DNMBP: variants seen among roughly 807,000 people sequenced by gnomAD.
DNMBP encodes dynamin binding protein.
DNMBP carries 87 observed loss-of-function variants against 150.0 expected under a neutral mutation model. The observed-to-expected ratio is 0.58, with a 90% CI of 0.49 to 0.69. DNMBP has a LOEUF of 0.69. DNMBP is among the 30% of genes least tolerant of loss of function. DNMBP has a pLI of 0.00. For synonymous variants in DNMBP, 711 were observed against 750.4 expected (o/e 0.95, Z 0.86); for missense variants, 1,774 against 1,949.0 (o/e 0.91, Z 1.69).
rs1047680051 is a variant in DNMBP at position 99,876,106 on chromosome 10, A to C, written c.*1045T>G. The C allele has an allele frequency of 3.3e-5, 5 of 152,084 alleles. No individual in the cohort carries two copies. The highest frequency in any genetic ancestry group is 2.6e-4 in the Admixed American group (4 of 15,284). 9.4% of individuals were successfully genotyped at this position (152,084 alleles called of 1,614,324 possible). On this transcript the variant is annotated 3_prime_UTR_variant, in exon 17 of 17. Coordinates refer to ENST00000324109, the MANE Select transcript of DNMBP (RefSeq NM_015221.4). Reference sequence around the variant, plus strand: ...CATTAGGGTGCTTGGATGAAGAAGAAAGACATCCAGTCTTCCATTAGGCTC... The same window carrying C: ...CATTAGGGTGCTTGGATGAAGAAGACAGACATCCAGTCTTCCATTAGGCTC...
intron 1 of DNMBP, among the ~76,000 whole-genome samples, chr10:99,993,354 A>G (rs2133379876): frequency 6.6e-6 from 1 of 152,308 alleles, no homozygotes; most frequent in Non-Finnish European, 1.5e-5. Context: ...AATGCTCTGG[A>G]ATTAGTGGTG....
chr10:99,922,506 T>C (rs905950688), intron 4 of DNMBP, among the ~76,000 whole-genome samples: 1 of 97,820 alleles, frequency 1.0e-5, no homozygotes, highest in African/African-American at 4.2e-5. Context: ...GCTGCTGTTT[T>C]TTTTTTTTTT....
chr10:99,914,021 C>T (rs1451685796), intron 4 of DNMBP: 3 of 1,508,928 alleles, frequency 2.0e-6, no homozygotes, highest in East Asian at 2.6e-5. Context: ...ACAGAATCTT[C>T]CCAGAGCTCT....
chr10:99,906,163 G>A (rs928631925), intron 6 of DNMBP, among the ~76,000 whole-genome samples: 5 of 152,036 alleles, frequency 3.3e-5, no homozygotes, highest in African/African-American at 9.7e-5. Context: ...TCCTGTGTCC[G>A]TTTTTCTCCC....
At chr10:99,898,028 G>T in intron 9 of DNMBP, 58 bp downstream of exon 9, 2 of 1,479,938 alleles carry the variant, frequency 1.4e-6, no homozygotes, top group South Asian at 1.1e-5. Flanking sequence ...GAATTGTTTT[G>T]AGAAGAAAAG....
chr10:99,970,123 C>T (rs1344176237), intron 2 of DNMBP, among the ~76,000 whole-genome samples: 5 of 152,182 alleles, frequency 3.3e-5, no homozygotes, highest in African/African-American at 1.2e-4. Context: ...CAGGGACCTT[C>T]AACAAGCAAT....
At chr10:99,992,286 G>A (rs543488892) in intron 1 of DNMBP, among the ~76,000 whole-genome samples, 1 of 148,682 alleles carries the variant, frequency 6.7e-6, no homozygotes, top group South Asian at 2.1e-4. Flanking sequence ...ACAGACTATA[G>A]AGCCAGACTA....
chr10:99,970,884 A>C (rs11596056), intron 2 of DNMBP, among the ~76,000 whole-genome samples: 31,174 of 144,520 alleles, frequency 0.22, 4,108 homozygotes, highest in Non-Finnish European at 0.3. Flanking sequence ...AGGCAGGAGA[A>C]TGGCATGAAC....
At position 99,925,123 on chromosome 10, in the gene DNMBP, C is replaced by T. The variant is rs148307838; in HGVS notation, c.2261-15977G>A. Among the ~76,000 whole-genome samples, 346 of 152,250 alleles carry T rather than the reference C, an allele frequency of 2.3e-3. 2 individuals are homozygous for T. The highest frequency in any genetic ancestry group is 6.8e-3 in the Middle Eastern group (2 of 294). ...CTGTTGGCAGCCTCCCTCTGACTTT[C>T]CTAACACTTTTTTTTTCTGTGCACT... On this transcript the variant is annotated intron_variant, in intron 4 of 16. Coordinates refer to ENST00000324109, the MANE Select transcript of DNMBP (RefSeq NM_015221.4).
At chr10:99,896,140 C>A in intron 10 of DNMBP, 127 bp downstream of exon 10, 1 of 1,108,082 alleles carries the variant, frequency 9.0e-7, no homozygotes, top group Non-Finnish European at 1.3e-6. Context: ...GCCCTGTCTC[C>A]ACCAGCTCGT....
At chr10:99,903,532 C>CTACAAAACACCA (rs2039778060) in intron 6 of DNMBP, among the ~76,000 whole-genome samples, 1 of 152,010 alleles carries the variant, frequency 6.6e-6, no homozygotes, top group South Asian at 2.1e-4. Context: ...GGTGTTTCAC[C>CTACAAAACACCA]TGGTTGGTCA....
chr10:99,952,064 TG>T (rs1182464006), intron 4 of DNMBP, among the ~76,000 whole-genome samples: 2 of 152,036 alleles, frequency 1.3e-5, no homozygotes, highest in Non-Finnish European at 2.9e-5. Flanking sequence ...GTAAGTCTCA[TG>T]AGATCTGATG....
intron 10 of DNMBP, among the ~76,000 whole-genome samples, chr10:99,895,723 A>G (rs2039642866): frequency 6.6e-6 from 1 of 152,208 alleles, no homozygotes; most frequent in African/African-American, 2.4e-5. Context: ...TCAGGTCAAC[A>G]TGACTCTTGC....
At chr10:99,915,094 CA>C (rs1290992306) in intron 4 of DNMBP, among the ~76,000 whole-genome samples, 1,929 of 81,548 alleles carry the variant, frequency 0.024, 64 homozygotes, top group African/African-American at 0.077. Flanking sequence ...AACTCTGTCT[CA>C]AAAAAAAAAA....
chr10:99,989,655 G>C (rs1441843851), intron 1 of DNMBP, among the ~76,000 whole-genome samples: 1 of 152,160 alleles, frequency 6.6e-6, no homozygotes, highest in Non-Finnish European at 1.5e-5. Context: ...AGGTTGCAGT[G>C]AGCCGAGATC....
chr10:99,894,298 G>A (rs1345898132), intron 11 of DNMBP, among the ~76,000 whole-genome samples: 1 of 152,180 alleles, frequency 6.6e-6, no homozygotes, highest in East Asian at 1.9e-4. Context: ...GGAGTATCCA[G>A]TACACTCACA....
rs1228667648 is a variant in DNMBP, at chr10:99,930,516, T to A, written c.2261-21370A>T. ...ACAGCCCTTTCCACTTTCATGTGCT[T>A]CCCCACAGTCCATATAGCTTGGTTC... On this transcript the variant is annotated intron_variant, in intron 4 of 16. Coordinates refer to ENST00000324109, the MANE Select transcript of DNMBP (RefSeq NM_015221.4). The A allele has an allele frequency of 4.3e-6, 3 of 702,988 alleles. No homozygotes were observed. The Admixed American group carries it at 6.0e-5, about 14-fold the overall frequency. 43.5% of individuals were successfully genotyped at this position (702,988 alleles called of 1,614,324 possible).
intron 7 of DNMBP, 65 bp downstream of exon 7, chr10:99,899,854 T>C (rs749533871): frequency 1.3e-6 from 2 of 1,531,618 alleles, no homozygotes; most frequent in Non-Finnish European, 1.8e-6. Flanking sequence ...AGTCCAGGCA[T>C]ATACACAGGT....
chr10:100,002,131 A>T (rs1022886133), intron 1 of DNMBP, among the ~76,000 whole-genome samples: 1 of 152,192 alleles, frequency 6.6e-6, no homozygotes, highest in African/African-American at 2.4e-5. Context: ...ATATAGTGCA[A>T]TGTTAAGTGC....
Sources: allele counts gnomAD v4.1 joint callset (sites outside exome capture counted in the v4.1 genomes callset), GRCh38; gene constraint gnomAD v4.1.1; transcripts MANE v1.5; gene names NCBI Gene and HGNC (gene_info 2026-07-23, HGNC 2026-07-21).